The following SMC1B variants were observed in gnomAD, a reference collection of about 807,000 sequenced individuals.
The protein encoded by SMC1B is structural maintenance of chromosomes protein 1B.
In SMC1B, 60 loss-of-function variants were observed where a neutral mutation model predicts 157.9. The observed-to-expected ratio is 0.38, with a 90% confidence interval of 0.31 to 0.47. The LOEUF (loss-of-function observed/expected upper bound fraction) is 0.47, where lower values mean the gene tolerates loss of function less well. Ranked by LOEUF, SMC1B falls within the 20% of genes least tolerant of loss-of-function variation. The pLI is 0.99. For missense variants in SMC1B, 1,165 were observed against 1,426.2 expected, an observed-to-expected ratio of 0.82 and a Z score of 2.95; for synonymous variants, 445 against 483.0, an observed-to-expected ratio of 0.92 and a Z score of 1.03.
chr22:45,391,652 T>C (rs2087060174), intron 9 of SMC1B, among the ~76,000 whole-genome samples: 1 of 152,214 alleles, frequency 6.6e-6, no homozygotes, highest in Admixed American at 6.5e-5. Flanking sequence ...GAGCAACAGT[T>C]GATAGAATAA....
intron 12 of SMC1B, among the ~76,000 whole-genome samples, chr22:45,376,628 A>G (rs1334437066): frequency 6.6e-6 from 1 of 152,184 alleles, no homozygotes; most frequent in East Asian, 1.9e-4. Context: ...TTTTTTGAGA[A>G]GCCATCATAC....
chr22:45,358,560 T>C, intron 19 of SMC1B, 137 bp downstream of exon 19: 1 of 557,298 alleles, frequency 1.8e-6, no homozygotes, highest in Non-Finnish European at 3.1e-6. Context: ...GTGTTTTTCC[T>C]TTGTATATTT....
At chr22:45,396,223 G>T in intron 7 of SMC1B, 123 bp downstream of exon 7, 1 of 781,184 alleles carries the variant, frequency 1.3e-6, no homozygotes, top group South Asian at 3.4e-5. Flanking sequence ...GCCAAATCAT[G>T]AAATAAATGA....
At position 45,344,581 on chromosome 22, in the gene SMC1B, C is replaced by T; in HGVS notation, c.3683G>A (p.Ser1228Asn). 1 of 1,613,978 alleles carries T rather than the reference C, an allele frequency of 6.2e-7. No homozygotes were observed. Among genetic ancestry groups the T allele is most frequent in the East Asian group, 2.2e-5 (1 of 44,886 alleles). The change falls in exon 25 of 25, where the codon AGC (serine) becomes AAC (asparagine). Residue 1228 changes from serine (S) to asparagine (N), a missense_variant. Physicochemically the swap from Ser to Asn is conservative, Grantham distance 46. Transcript: ENST00000357450. The stretch of plus-strand genomic sequence containing the variant: ...CTAGCGGGACTCTCCGTGTCTCTTG[C>T]TGCTTTCTTGGCCTTCAGTGTCTGG... ...QYPDTEGQESSKRHGESR is the reference protein window; with the variant it reads ...QYPDTEGQESNKRHGESR
At position 45,406,742 on chromosome 22, in the gene SMC1B, T is replaced by G. The variant is rs983199280; in HGVS notation, c.411+11A>C. 1.3e-6 allele frequency: 2 copies of G among 1,585,414 alleles called. No homozygotes were observed. Among genetic ancestry groups the G allele is most frequent in the African/African-American group, 2.7e-5 (2 of 72,920 alleles). ...AAACTCTGAATCAAATAAACTACTA[T>G]AGCTACTTACCTGAAAAACCAAACA... On this transcript the variant is annotated intron_variant, in intron 3 of 24. Transcript: ENST00000357450.
chr22:45,396,789 G>A (rs2087129766), intron 6 of SMC1B, among the ~76,000 whole-genome samples: 1 of 151,940 alleles, frequency 6.6e-6, no homozygotes, highest in African/African-American at 2.4e-5. Flanking sequence ...GGCCTCCTGG[G>A]CTCAAGTGTT....
chr22:45,358,976 C>T (rs2146773219), intron 18 of SMC1B, among the ~76,000 whole-genome samples, 181 bp from the exon 19 acceptor site: 1 of 152,132 alleles, frequency 6.6e-6, no homozygotes, highest in Non-Finnish European at 1.5e-5. Context: ...AAATGTGACA[C>T]AGAGACACAG....
chr22:45,346,299 C>T (rs1234213899), intron 23 of SMC1B, among the ~76,000 whole-genome samples: 1 of 152,144 alleles, frequency 6.6e-6, no homozygotes, highest in East Asian at 1.9e-4. Context: ...TATATGTATT[C>T]GTAATCCATA....
intron 16 of SMC1B, among the ~76,000 whole-genome samples, chr22:45,362,195 G>GT (rs967417077): frequency 2.0e-5 from 3 of 151,946 alleles, no homozygotes; most frequent in Admixed American, 6.6e-5. Flanking sequence ...TTTTGTTTTT[G>GT]TTTTTTTGTC....
intron 2 of SMC1B, 90 bp from the exon 3 acceptor site, chr22:45,406,955 T>C (rs1169080956): frequency 2.3e-6 from 2 of 874,918 alleles, no homozygotes; most frequent in Non-Finnish European, 3.4e-6. Flanking sequence ...TTATTTTTCT[T>C]ATTGAAATGG....
chr22:45,352,666 T>A (rs2086626771), intron 21 of SMC1B, 64 bp from the exon 22 acceptor site: 1 of 1,477,556 alleles, frequency 6.8e-7, no homozygotes, highest in Admixed American at 2.1e-5. Context: ...AACTTGGAGT[T>A]TAACTGCAAA....
chr22:45,412,194 T>C (rs561868728), intron 1 of SMC1B, among the ~76,000 whole-genome samples: 1 of 149,860 alleles, frequency 6.7e-6, no homozygotes, highest in Non-Finnish European at 1.5e-5. Context: ...TTATTTTATA[T>C]TTATCTTATT....
intron 12 of SMC1B, 111 bp from the exon 13 acceptor site, chr22:45,372,403 A>T: frequency 1.2e-6 from 1 of 850,608 alleles, no homozygotes; most frequent in East Asian, 2.8e-5. Flanking sequence ...CCACACCTGC[A>T]CCTTACCTCC....
intron 1 of SMC1B, among the ~76,000 whole-genome samples, chr22:45,409,743 T>C (rs1452385464): frequency 6.6e-6 from 1 of 152,128 alleles, no homozygotes; most frequent in African/African-American, 2.4e-5. Flanking sequence ...ACTTACAAGG[T>C]TGGCTGGCTT....
Position 45,354,972 on chromosome 22 carries a change from T to C in SMC1B, c.3105A>G (p.Gln1035=), listed in dbSNP as rs756841023. 7 of 1,614,064 alleles carry C rather than the reference T, an allele frequency of 4.3e-6. No homozygotes were observed. In the African/African-American group the frequency reaches 6.7e-5, roughly 15 times the overall value. The change falls in exon 20 of 25, where the codon CAA becomes CAG. Residue 1035 remains glutamine, a synonymous_variant. Transcript: ENST00000357450. ...ACTCAATTTTACCATCTGTGGACTC[T>C]TGAAACTTGTCTCTGACAGTCTTTA... ...ENLKTVRDKF[Q]ESTDAFEASR...
At chr22:45,407,121 A>G (rs1479689538) in intron 2 of SMC1B, among the ~76,000 whole-genome samples, 1 of 152,194 alleles carries the variant, frequency 6.6e-6, no homozygotes, top group Non-Finnish European at 1.5e-5. Flanking sequence ...ATGTAAAAGG[A>G]AAATAAATCT....
At chr22:45,399,612 G>T (rs2087168468) in intron 5 of SMC1B, among the ~76,000 whole-genome samples, 1 of 152,106 alleles carries the variant, frequency 6.6e-6, no homozygotes, top group South Asian at 2.1e-4. Flanking sequence ...TTACTTTACA[G>T]CACCAAGGAT....
At chr22:45,378,389 G>A (rs1420895739) in intron 12 of SMC1B, among the ~76,000 whole-genome samples, 1 of 151,998 alleles carries the variant, frequency 6.6e-6, no homozygotes, top group Non-Finnish European at 1.5e-5. Context: ...CATTGTGGCC[G>A]AGCATATGAT....
At chr22:45,345,183 G>T (rs192363775) in intron 24 of SMC1B, among the ~76,000 whole-genome samples, 1 of 152,320 alleles carries the variant, frequency 6.6e-6, no homozygotes, top group Admixed American at 6.5e-5. Context: ...AATGTTAACA[G>T]TTCGTGTAAA....
Sources: allele counts gnomAD v4.1 joint callset (sites outside exome capture counted in the v4.1 genomes callset), GRCh38; gene constraint gnomAD v4.1.1; transcripts MANE v1.5; gene names NCBI Gene and HGNC (gene_info 2026-07-23, HGNC 2026-07-21).